The following SSH2 variants were observed in gnomAD, a reference collection of about 807,000 sequenced individuals.
The protein encoded by SSH2 is protein phosphatase Slingshot homolog 2.
SSH2 carries 37 observed loss-of-function variants against 135.2 expected under a neutral mutation model. The ratio of observed to expected loss-of-function variants is 0.27; its 90% CI spans 0.21 to 0.36. The LOEUF (loss-of-function observed/expected upper bound fraction) is 0.36. SSH2 is among the 10% of genes least tolerant of loss of function. The pLI is 1.00. For missense variants in SSH2, 1,408 were observed against 1,765.3 expected, an observed-to-expected ratio of 0.80 and a Z score of 3.63; for synonymous variants, 628 against 646.2, an observed-to-expected ratio of 0.97 and a Z score of 0.43.
chr17:29,832,644 T>C (rs188667151), intron 2 of SSH2, among the ~76,000 whole-genome samples: 14 of 152,288 alleles, frequency 9.2e-5, no homozygotes, highest in African/African-American at 3.4e-4. Flanking sequence ...GAGAAGATAC[T>C]TGATTTCAAT....
chr17:29,867,329 T>C (rs961349640), intron 1 of SSH2, among the ~76,000 whole-genome samples: 2 of 152,166 alleles, frequency 1.3e-5, no homozygotes, highest in Admixed American at 6.5e-5. Context: ...TAGTTATTTA[T>C]TTCTCTCCTC....
intron 3 of SSH2, among the ~76,000 whole-genome samples, chr17:29,779,503 T>C (rs1024940715): frequency 2.6e-5 from 4 of 152,060 alleles, no homozygotes; most frequent in Non-Finnish European, 4.4e-5. Context: ...GTAACCCACA[T>C]GGTGGGAGGT....
At chr17:29,835,318 AAAC>A (rs1297971032) in intron 2 of SSH2, among the ~76,000 whole-genome samples, 5 of 152,178 alleles carry the variant, frequency 3.3e-5, no homozygotes, top group African/African-American at 1.2e-4. Context: ...CCTAAAACAA[AAAC>A]AACAACAAAA....
At chr17:29,810,247 G>C (rs1383048926) in intron 2 of SSH2, among the ~76,000 whole-genome samples, 2 of 152,142 alleles carry the variant, frequency 1.3e-5, no homozygotes, top group African/African-American at 4.8e-5. Flanking sequence ...AATATTCTTA[G>C]CTATAGCCAT....
At position 29,687,801 on chromosome 17, in the gene SSH2, A is replaced by T. The variant is rs536767849; in HGVS notation, c.358-3117T>A. ...CAAGAATTTCTGGCAAGGCTCAAATACAAATGGCCTGGGAACAAATGAACT... is the reference window on the plus strand; with the variant it reads ...CAAGAATTTCTGGCAAGGCTCAAATTCAAATGGCCTGGGAACAAATGAACT... On this transcript the variant is annotated intron_variant, in intron 5 of 15. Transcript: ENST00000540801. Among the ~76,000 whole-genome samples the T allele has an allele frequency of 7.9e-5, 12 of 152,340 alleles. No individual in the cohort carries two copies. The South Asian group carries it at 2.5e-3, about 32-fold the overall frequency.
chr17:29,710,364 A>G (rs1183503002), intron 3 of SSH2, among the ~76,000 whole-genome samples: 2 of 152,268 alleles, frequency 1.3e-5, no homozygotes, highest in South Asian at 4.1e-4. Context: ...ATTAGCAGGC[A>G]AATTATTGTG....
chr17:29,638,400 G>A (rs1330363381), intron 14 of SSH2, among the ~76,000 whole-genome samples: 2 of 151,110 alleles, frequency 1.3e-5, no homozygotes, highest in Non-Finnish European at 2.9e-5. Context: ...TAGTGTCTAT[G>A]TTAGAATAAT....
At chr17:29,889,602 G>T (rs1567633707) in intron 1 of SSH2, among the ~76,000 whole-genome samples, 1 of 151,812 alleles carries the variant, frequency 6.6e-6, no homozygotes. Context: ...TAAAAATTTT[G>T]TGCTTCAGAG....
intron 3 of SSH2, among the ~76,000 whole-genome samples, chr17:29,742,657 T>C (rs1039691806): frequency 1.1e-4 from 16 of 149,000 alleles, no homozygotes; most frequent in Admixed American, 8.7e-4. Flanking sequence ...TTTTTTGAGA[T>C]GGAGTCCCAC....
intron 14 of SSH2, chr17:29,643,223 T>G: frequency 1.0e-6 from 1 of 985,306 alleles, no homozygotes; most frequent in Non-Finnish European, 1.2e-6. Flanking sequence ...GCTGGGCCTA[T>G]TCACTTGGCA....
rs886405899 is a variant in SSH2 at position 29,783,927 on chromosome 17, G to A, written c.188+9967C>T. On this transcript the variant is annotated intron_variant, in intron 3 of 15. Coordinates refer to ENST00000540801, the MANE Select transcript of SSH2 (RefSeq NM_001282129.2). ...TAAAAATACAAAAAATTAGCCGGGCGTAGTGGCGGGCGCCTGTAGTCCCAG... is the reference window on the plus strand; with the variant it reads ...TAAAAATACAAAAAATTAGCCGGGCATAGTGGCGGGCGCCTGTAGTCCCAG... 9.4e-5 allele frequency among the ~76,000 whole-genome samples: 14 copies of A among 149,002 alleles called. 1 individual carries two copies. In the East Asian group the frequency reaches 2.2e-3, roughly 23 times the overall value.
At chr17:29,913,357 TATA>T (rs2066817791) in intron 1 of SSH2, among the ~76,000 whole-genome samples, 1 of 50,608 alleles carries the variant, frequency 2.0e-5, no homozygotes, top group African/African-American at 6.7e-5. Flanking sequence ...AATATATATA[TATA>T]TATATATATA....
In SSH2 at chr17:29,832,401, G is replaced by A. The variant is rs1317553084; in HGVS notation, c.144+16448C>T. Among the ~76,000 whole-genome samples, 5 of 152,136 alleles carry A rather than the reference G, an allele frequency of 3.3e-5. No individual in the cohort carries two copies. In the East Asian group the frequency reaches 9.6e-4, roughly 29 times the overall value. ...CCTGCCTTGGCCTCCCAAAGTGCTG[G>A]GATTATAGGCGTGAGCCTGGCCCTG... is the stretch of plus-strand genomic sequence containing the variant. On this transcript the variant is annotated intron_variant, in intron 2 of 15. Coordinates refer to ENST00000540801, the MANE Select transcript of SSH2 (RefSeq NM_001282129.2).
At chr17:29,756,726 C>T (rs539880741) in intron 3 of SSH2, among the ~76,000 whole-genome samples, 1 of 152,174 alleles carries the variant, frequency 6.6e-6, no homozygotes, top group South Asian at 2.1e-4. Flanking sequence ...GAGATCTTCG[C>T]TCATGGCAAC....
At chr17:29,918,836 C>T (rs374953639) in intron 1 of SSH2, among the ~76,000 whole-genome samples, 48 of 152,180 alleles carry the variant, frequency 3.2e-4, no homozygotes, top group African/African-American at 1.2e-3. Flanking sequence ...ACTCGGGAGG[C>T]TGAGGCAGAA....
At chr17:29,654,424 A>C (rs2036702725) in intron 12 of SSH2, among the ~76,000 whole-genome samples, 1 of 152,080 alleles carries the variant, frequency 6.6e-6, no homozygotes, top group South Asian at 2.1e-4. Context: ...CAATTATGAA[A>C]TACTTTTCAT....
chr17:29,707,652 A>C lies in SSH2; in HGVS notation c.189-4590T>G, dbSNP rs528574122. Among the ~76,000 whole-genome samples the C allele has an allele frequency of 2.0e-5, 3 of 152,000 alleles. No homozygotes were observed. In the East Asian group the frequency reaches 5.8e-4, roughly 29 times the overall value. On this transcript the variant is annotated intron_variant, in intron 3 of 15. Coordinates refer to ENST00000540801, the MANE Select transcript of SSH2 (RefSeq NM_001282129.2). ...ACGATTCTCGTGCCTCAGCCTCGCGAACAGCTGGGACTATGGGCATACGTC... is the reference window on the plus strand; with the variant it reads ...ACGATTCTCGTGCCTCAGCCTCGCGCACAGCTGGGACTATGGGCATACGTC...
intron 1 of SSH2, among the ~76,000 whole-genome samples, chr17:29,908,094 C>T (rs1482020477): frequency 2.0e-5 from 3 of 151,856 alleles, no homozygotes; most frequent in Admixed American, 6.6e-5. Flanking sequence ...GGGATTTTGG[C>T]GTGAGCCACT....
chr17:29,638,561 C>CACACAG (rs2036017066), intron 14 of SSH2, among the ~76,000 whole-genome samples: 2 of 133,060 alleles, frequency 1.5e-5, no homozygotes, highest in Admixed American at 1.5e-4. Context: ...CACACACACA[C>CACACAG]AGAGACAGGG....
Sources: gnomAD v4.1 joint callset for allele counts (sites outside exome capture counted in the v4.1 genomes callset) on GRCh38, gnomAD v4.1.1 for gene constraint, MANE v1.5 for transcripts, NCBI Gene and HGNC (gene_info 2026-07-23, HGNC 2026-07-21) for gene names.